Variants in OPA3 observed in about 807,000 individuals in gnomAD.
The protein encoded by OPA3 is optic atrophy 3 protein.
Under a neutral mutation model 4.0 loss-of-function variants are expected in OPA3, and 6 were observed. That is an observed-to-expected ratio of 1.51 (90% CI 0.83 to 2.99). OPA3 has a LOEUF of 2.99. Among genes scored for constraint, OPA3 ranks in the 30% most tolerant of loss-of-function variants. OPA3 has a pLI of 0.00. For synonymous variants in OPA3, 105 were observed against 117.1 expected (o/e 0.90, Z 0.67); for missense variants, 235 against 256.2 (o/e 0.92, Z 0.56).
chr19:45,557,291 TGGGCTTTCA>T (rs1002948341), intron 1 of OPA3, among the ~76,000 whole-genome samples: 5 of 152,090 alleles, frequency 3.3e-5, no homozygotes, highest in Admixed American at 6.5e-5. Context: ...CACGCAGGCA[TGGGCTTTCA>T]GGGCTTTCAG....
chr19:45,567,356 A>AAAG (rs1482377417), intron 1 of OPA3, among the ~76,000 whole-genome samples: 3 of 151,542 alleles, frequency 2.0e-5, no homozygotes, highest in African/African-American at 2.4e-5. Context: ...AAAAAAAAAA[A>AAAG]AAGAAGAAGA....
intron 1 of OPA3, among the ~76,000 whole-genome samples, chr19:45,554,391 T>TG (rs558504704): frequency 5.3e-4 from 80 of 152,334 alleles, no homozygotes; most frequent in South Asian, 2.3e-3. Context: ...AACACTTAGA[T>TG]ACACTTGTAA....
chr19:45,528,244 C>T (rs1396690915), exon 2 of OPA3: 2 of 152,354 alleles, frequency 1.3e-5, no homozygotes, highest in African/African-American at 2.4e-5. Flanking sequence ...CCGGTTTTTC[C>T]TCCCAAAAGG....
intron 1 of OPA3, among the ~76,000 whole-genome samples, chr19:45,575,609 A>G (rs1218949103): frequency 1.3e-5 from 2 of 150,668 alleles, no homozygotes; most frequent in Non-Finnish European, 1.5e-5. Context: ...AACAGCACAA[A>G]TTATTATTAT....
intron 1 of OPA3, among the ~76,000 whole-genome samples, chr19:45,566,365 G>A (rs186599670): frequency 1.1e-3 from 163 of 152,134 alleles, no homozygotes; most frequent in Non-Finnish European, 1.9e-3. Context: ...GGCCAGGCTG[G>A]TCTCTAACTC....
chr19:45,535,369 CTTTTT>C (rs57680613), intron 1 of OPA3, among the ~76,000 whole-genome samples: 3 of 118,832 alleles, frequency 2.5e-5, no homozygotes, highest in Non-Finnish European at 3.5e-5. Flanking sequence ...TAAATTATTA[CTTTTT>C]TTTTTTTTTT....
In OPA3 at chr19:45,576,543, C is replaced by CG. The variant is rs1383877575; in HGVS notation, c.142+8079_142+8080insC. On this transcript the variant is annotated intron_variant, in intron 1 of 1. Transcript: ENST00000263275. ...ACAAGAATGAAACTCCATCCCCCCC[C>CG]CCCCAAAAAAAAAAGTCCAAAATGG... Among the ~76,000 whole-genome samples the CG allele has an allele frequency of 4.4e-4, 36 of 82,728 alleles. 1 individual carries two copies. The East Asian group carries it at 0.011, about 25-fold the overall frequency. 54.3% of individuals were successfully genotyped at this position (82,728 alleles called of 152,430 possible). A position where few individuals can be genotyped will look rare whatever the true frequency, so the allele number is the denominator to read the frequency against.
At chr19:45,577,340 C>T (rs765411604) in intron 1 of OPA3, among the ~76,000 whole-genome samples, 10 of 152,188 alleles carry the variant, frequency 6.6e-5, no homozygotes, top group Non-Finnish European at 8.8e-5. Context: ...CAGCTCAGGA[C>T]GCCTGACCTG....
chr19:45,572,638 A>G (rs940857873), intron 1 of OPA3, among the ~76,000 whole-genome samples: 3 of 139,126 alleles, frequency 2.2e-5, no homozygotes, highest in African/African-American at 8.0e-5. Context: ...ATATAAATAT[A>G]TATATCGATA....
exon 2 of OPA3, chr19:45,529,224 C>T: frequency 6.2e-7 from 1 of 1,612,824 alleles, no homozygotes; most frequent in East Asian, 2.2e-5. Flanking sequence ...AGTGGCCCAC[C>T]TCGCCCCGCA....
exon 2 of OPA3, chr19:45,529,325 T>G (rs1475620086): frequency 1.2e-6 from 2 of 1,614,066 alleles, no homozygotes; most frequent in Admixed American, 3.3e-5. Flanking sequence ...CTGCAGGCGG[T>G]GATGAAGATG....
rs1019501863 is a variant in OPA3, at chr19:45,550,746, G to A, written c.*2768C>T. 1.1e-5 allele frequency: 11 copies of A among 985,908 alleles called. No homozygotes were observed. The highest frequency in any genetic ancestry group is 1.3e-5 in the Non-Finnish European group (11 of 830,020). 61.1% of individuals were successfully genotyped at this position (985,908 alleles called of 1,614,324 possible). A position where few individuals can be genotyped will look rare whatever the true frequency, so the allele number is the denominator to read the frequency against. Reference sequence around the variant, plus strand: ...TGTACCCATTGTGGAGATCCACATGGTGGTTCAGGTACAGCCTCAGGATGC... The same window carrying A: ...TGTACCCATTGTGGAGATCCACATGATGGTTCAGGTACAGCCTCAGGATGC... On this transcript the variant is annotated 3_prime_UTR_variant, in exon 2 of 2. Transcript: ENST00000263275.
chr19:45,550,186 A>G lies in OPA3; in HGVS notation c.*3328T>C. On this transcript the variant is annotated 3_prime_UTR_variant, in exon 2 of 2. Coordinates refer to ENST00000263275, the MANE Select transcript of OPA3 (RefSeq NM_025136.4). ...AAAAGAAAAGAAAAAAGAAGAGAAA[A>G]GAAGAAAAGAAAAGTTTCAGAACCT... 1.0e-6 allele frequency: 1 copy of G among 984,022 alleles called. No homozygotes were observed. Among genetic ancestry groups the G allele is most frequent in the South Asian group, 4.7e-5 (1 of 21,254 alleles). The allele number at this position is 984,022 out of a possible 1,614,324, so 61.0% of individuals were successfully genotyped here.
chr19:45,567,313 C>T (rs1245992509), intron 1 of OPA3, among the ~76,000 whole-genome samples: 1 of 145,550 alleles, frequency 6.9e-6, no homozygotes, highest in Non-Finnish European at 1.5e-5. Context: ...GCCCTCCAGC[C>T]TGGGTGACAG....
At position 45,547,381 on chromosome 19, in the gene OPA3, C is replaced by T. The variant is rs756650917; in HGVS notation, c.*6133G>A. On this transcript the variant is annotated 3_prime_UTR_variant, in exon 2 of 2. Coordinates refer to ENST00000263275, the MANE Select transcript of OPA3 (RefSeq NM_025136.4). Reference sequence around the variant, plus strand: ...AAAGCAACTGTGGAAAATATGCAAACGAATGAGCGCCTGGGTTCCAATAAG... The same window carrying T: ...AAAGCAACTGTGGAAAATATGCAAATGAATGAGCGCCTGGGTTCCAATAAG... 3 of 152,158 alleles carry T rather than the reference C, an allele frequency of 2.0e-5. No homozygotes were observed. The highest frequency in any genetic ancestry group is 6.6e-5 in the Admixed American group (1 of 15,266). 9.4% of individuals were successfully genotyped at this position (152,158 alleles called of 1,614,324 possible).
chr19:45,543,227 T>G (rs1469635431), downstream of OPA3, among the ~76,000 whole-genome samples: 1 of 152,020 alleles, frequency 6.6e-6, no homozygotes, highest in Non-Finnish European at 1.5e-5. Context: ...CAGGGGCTGG[T>G]CTCAAACTCC....
At chr19:45,528,815 G>A (rs1969023465) in exon 2 of OPA3, 1 of 509,702 alleles carries the variant, frequency 2.0e-6, no homozygotes, top group Non-Finnish European at 3.4e-6. Context: ...GGGTGGGATA[G>A]GGCGGGGTCC....
chr19:45,544,985 AAAAAACAAAAAC>A (rs1017600172), downstream of OPA3, among the ~76,000 whole-genome samples: 1 of 150,190 alleles, frequency 6.7e-6, no homozygotes, highest in Non-Finnish European at 1.5e-5. Context: ...TTCCGTCTCA[AAAAAACAAAAAC>A]AAAAACAAAA....
rs762454431 is a variant in OPA3 at position 45,553,844 on chromosome 19, C to T, written c.210G>A (p.Pro70=). The change falls in exon 2 of 2, where the codon CCG becomes CCA. Residue 70 remains proline (P), a synonymous_variant. Transcript: ENST00000263275. The part of the protein sequence containing the change: ...IMGFRGTVIK[P]LNEEAAAELG... The stretch of plus-strand genomic sequence containing the variant: ...GCTCAGCTGCCGCCTCCTCGTTCAG[C>T]GGCTTGATGACCGTGCCCCGGAAGC... 3.1e-6 allele frequency: 5 copies of T among 1,612,716 alleles called. No homozygotes were observed. Among genetic ancestry groups the T allele is most frequent in the Admixed American group, 1.7e-5 (1 of 59,962 alleles).
Sources: allele counts gnomAD v4.1 joint callset (sites outside exome capture counted in the v4.1 genomes callset), GRCh38; gene constraint gnomAD v4.1.1; transcripts MANE v1.5; gene names NCBI Gene and HGNC (gene_info 2026-07-23, HGNC 2026-07-21).